IQCE: variants seen among roughly 807,000 people sequenced by gnomAD.
IQCE encodes IQ domain-containing protein E.
A neutral mutation model predicts 96.0 loss-of-function variants in IQCE; 115 were observed. That is an observed-to-expected ratio of 1.20 (90% confidence interval 1.03 to 1.40). The LOEUF is 1.40. IQCE is among the 40% of genes most tolerant of loss of function. The pLI is 0.00. For synonymous variants in IQCE, 412 were observed against 371.2 expected, an observed-to-expected ratio of 1.11 and a Z score of -1.26; for missense variants, 1,041 against 909.1, an observed-to-expected ratio of 1.15 and a Z score of -1.87.
chr7:2,588,439 C>T (rs770295675), intron 13 of IQCE, among the ~76,000 whole-genome samples: 2 of 149,638 alleles, frequency 1.3e-5, no homozygotes, highest in South Asian at 2.1e-4. Context: ...CGGCAACCTC[C>T]GCCTCCCGAG....
intron 21 of IQCE, among the ~76,000 whole-genome samples, chr7:2,608,705 C>T (rs1220342399): frequency 6.6e-6 from 1 of 152,226 alleles, no homozygotes; most frequent in Non-Finnish European, 1.5e-5. Flanking sequence ...AGGGCTAAAG[C>T]GTGCGTTGAT....
chr7:2,604,690 G>A (rs1028007616), intron 18 of IQCE, among the ~76,000 whole-genome samples, 191 bp from the exon 19 acceptor site: 15 of 152,278 alleles, frequency 9.9e-5, no homozygotes, highest in Middle Eastern at 3.4e-3. Context: ...TCCCTGGGGC[G>A]CCAGTGAGTT....
In IQCE at chr7:2,559,175, C is replaced by T; in HGVS notation, c.-7C>T. 2 of 1,216,044 alleles carry T rather than the reference C, an allele frequency of 1.6e-6. No individual in the cohort carries two copies. The highest frequency in any genetic ancestry group is 2.0e-6 in the Non-Finnish European group (2 of 977,242). 75.3% of individuals were successfully genotyped at this position (1,216,044 alleles called of 1,614,324 possible). A position where few individuals can be genotyped will look rare whatever the true frequency, so the allele number is the denominator to read the frequency against. On this transcript the variant is annotated 5_prime_UTR_variant, in exon 1 of 22. Coordinates refer to ENST00000402050, the MANE Select transcript of IQCE (RefSeq NM_152558.5). Reference sequence around the variant, plus strand: ...ACCCTGAGGGGCGGCCGGGCAGCGCCGCCACCATGTTCCTGGGCACCGGGG... The same window carrying T: ...ACCCTGAGGGGCGGCCGGGCAGCGCTGCCACCATGTTCCTGGGCACCGGGG...
In IQCE at chr7:2,572,268, C is replaced by T; in HGVS notation, c.336C>T (p.Asp112=). Residue 112 remains aspartate (D), a synonymous_variant, in exon 5 of 22, where the codon GAC becomes GAT. Transcript: ENST00000402050. ...CTGGCGTCCCCGGCGGCACTCCTGA[C>T]TGTCTGACAGACACCTTCAGAGTGA... The part of the protein sequence containing the change: ...AWTGVPGGTP[D]CLTDTFRVKR... 6.2e-7 allele frequency: 1 copy of T among 1,614,228 alleles called. No individual in the cohort carries two copies. The highest frequency in any genetic ancestry group is 8.5e-7 in the Non-Finnish European group (1 of 1,180,020).
intron 18 of IQCE, among the ~76,000 whole-genome samples, chr7:2,604,048 GCCCAATCT>G (rs1413795547): frequency 6.6e-6 from 1 of 150,630 alleles, no homozygotes; most frequent in Non-Finnish European, 1.5e-5. Flanking sequence ...GAGTGCAGTG[GCCCAATCT>G]TGGCTCACTG....
chr7:2,591,462 C>G (rs1170817162), intron 14 of IQCE, among the ~76,000 whole-genome samples: 1 of 152,112 alleles, frequency 6.6e-6, no homozygotes, highest in African/African-American at 2.4e-5. Flanking sequence ...AATGATGTTT[C>G]TCTCTAGTTT....
intron 1 of IQCE, among the ~76,000 whole-genome samples, chr7:2,562,123 T>C (rs1416981227): frequency 6.6e-6 from 1 of 152,150 alleles, no homozygotes; most frequent in Non-Finnish European, 1.5e-5. Flanking sequence ...TTGTCAAACA[T>C]ACCTTCTGTA....
chr7:2,593,181 A>C, intron 15 of IQCE, 55 bp downstream of exon 15: 1 of 1,546,198 alleles, frequency 6.5e-7, no homozygotes, highest in East Asian at 2.3e-5. Context: ...CACTCCTGCT[A>C]CCACTGCGGC....
chr7:2,582,713 C>G, intron 9 of IQCE, 63 bp downstream of exon 9: 1 of 1,456,318 alleles, frequency 6.9e-7, no homozygotes, highest in Non-Finnish European at 9.5e-7. Context: ...CTCAGACGCC[C>G]GCCTTTGTTC....
chr7:2,562,413 G>A (rs552742356), intron 1 of IQCE, among the ~76,000 whole-genome samples: 3 of 151,908 alleles, frequency 2.0e-5, no homozygotes, highest in South Asian at 4.1e-4. Flanking sequence ...TCTGCTTTTG[G>A]TATCAGTGTA....
intron 1 of IQCE, among the ~76,000 whole-genome samples, chr7:2,562,758 A>G (rs1781059924): frequency 6.7e-6 from 1 of 148,900 alleles, no homozygotes; most frequent in African/African-American, 2.5e-5. Context: ...TGTAATTTTT[A>G]TTCCTTTCTT....
chr7:2,569,418 A>T (rs538397209), intron 3 of IQCE, among the ~76,000 whole-genome samples: 1 of 152,202 alleles, frequency 6.6e-6, no homozygotes, highest in Non-Finnish European at 1.5e-5. Context: ...AGTTGGTGGG[A>T]CGGGTGGCAA....
chr7:2,598,254 G>T (rs552158182), intron 16 of IQCE: 3 of 477,296 alleles, frequency 6.3e-6, no homozygotes, highest in Non-Finnish European at 1.1e-5. Context: ...GTCTGCACTT[G>T]TGTGCTCGCC....
intron 11 of IQCE, among the ~76,000 whole-genome samples, chr7:2,585,236 C>T (rs1003331624): frequency 7.2e-5 from 11 of 152,116 alleles, no homozygotes; most frequent in African/African-American, 2.4e-4. Flanking sequence ...TGGGGTTTTA[C>T]TATGTTGGCA....
At chr7:2,595,587 G>C (rs187282599) in intron 16 of IQCE, among the ~76,000 whole-genome samples, 10 of 152,164 alleles carry the variant, frequency 6.6e-5, no homozygotes, top group African/African-American at 2.4e-4. Flanking sequence ...TCGCGGCGGC[G>C]TCTCTGTGGC....
chr7:2,608,911 T>A (rs921197657), intron 21 of IQCE, among the ~76,000 whole-genome samples: 7 of 152,256 alleles, frequency 4.6e-5, no homozygotes, highest in African/African-American at 1.7e-4. Context: ...CCCTTTAATA[T>A]GAATTTTCTT....
chr7:2,561,456 T>C (rs1257894014), intron 1 of IQCE, among the ~76,000 whole-genome samples: 5 of 151,560 alleles, frequency 3.3e-5, no homozygotes, highest in African/African-American at 9.7e-5. Flanking sequence ...AGTCTTGCTC[T>C]GTTGCCCAGG....
At chr7:2,569,829 A>C (rs1781633753) in intron 3 of IQCE, among the ~76,000 whole-genome samples, 2 of 152,242 alleles carry the variant, frequency 1.3e-5, no homozygotes, top group Admixed American at 6.5e-5. Flanking sequence ...GCCCAAGGAA[A>C]ACATAATTAG....
At chr7:2,601,414 AT>A (rs543839721) in intron 17 of IQCE, 26 bp from the exon 18 acceptor site, 3 of 1,442,436 alleles carry the variant, frequency 2.1e-6, no homozygotes, top group Non-Finnish European at 1.9e-6. Flanking sequence ...TAATTCATGT[AT>A]TTTTTCTTTC....
Sources: allele counts gnomAD v4.1 joint callset (sites outside exome capture counted in the v4.1 genomes callset), GRCh38; gene constraint gnomAD v4.1.1; transcripts MANE v1.5; gene names NCBI Gene and HGNC (gene_info 2026-07-23, HGNC 2026-07-21).